Variants in FSTL5 observed in about 807,000 individuals in gnomAD.
FSTL5 encodes the protein follistatin-related protein 5.
A neutral mutation model predicts 89.1 loss-of-function variants in FSTL5; 62 were observed. The observed-to-expected ratio is 0.70, with a 90% CI of 0.57 to 0.86. The LOEUF (loss-of-function observed/expected upper bound fraction) is 0.86. FSTL5 is among the 40% of genes least tolerant of loss of function. The pLI, the probability that FSTL5 is intolerant of heterozygous loss-of-function variation, is 0.00. For synonymous variants in FSTL5, 383 were observed against 346.2 expected, an observed-to-expected ratio of 1.11 and a Z score of -1.18; for missense variants, 1,057 against 1,001.6, an observed-to-expected ratio of 1.06 and a Z score of -0.75.
Position 161,817,894 on chromosome 4 carries a change from A to C in FSTL5, c.410-41820T>G, listed in dbSNP as rs919303032. Among the ~76,000 whole-genome samples, 8 of 151,896 alleles carry C rather than the reference A, an allele frequency of 5.3e-5. No individual in the cohort carries two copies. In the East Asian group the frequency reaches 1.6e-3, roughly 30 times the overall value. On this transcript the variant is annotated intron_variant, in intron 4 of 15. Coordinates refer to ENST00000306100, the MANE Select transcript of FSTL5 (RefSeq NM_020116.5). ...GAAGAGCGTGGTCCCTTTAAATGAT[A>C]CTGGAGTTGGGAGGGAAAGGGAAGT... is the stretch of plus-strand genomic sequence containing the variant.
intron 1 of FSTL5, among the ~76,000 whole-genome samples, chr4:162,120,239 A>G (rs1336994095): frequency 6.6e-6 from 1 of 152,114 alleles, no homozygotes; most frequent in Non-Finnish European, 1.5e-5. Context: ...ATTAGGAGAA[A>G]GTATTCACTC....
chr4:161,957,641 C>T (rs1044139860), intron 3 of FSTL5, among the ~76,000 whole-genome samples: 2 of 152,014 alleles, frequency 1.3e-5, no homozygotes, highest in East Asian at 1.9e-4. Flanking sequence ...CCAGCCAGAC[C>T]GAGTCCTTTT....
chr4:162,153,339 A>T (rs1733304258), intron 1 of FSTL5, among the ~76,000 whole-genome samples: 1 of 151,916 alleles, frequency 6.6e-6, no homozygotes. Flanking sequence ...GATAACTCCA[A>T]TCTTAGGTAG....
rs149075916 is a variant in FSTL5, at chr4:161,767,611, AACCTCAGAC to A, written c.607-8089_607-8081del. On this transcript the variant is annotated intron_variant, in intron 5 of 15. Transcript: ENST00000306100. ...TACAAAGATCTAGATAACAAAGATG[AACCTCAGAC>A]ACCTGTTTATATTTTAAAGGGAAAA... Among the ~76,000 whole-genome samples the A allele has an allele frequency of 2.7e-3, 407 of 152,286 alleles. 3 individuals are homozygous for A. In the East Asian group the frequency reaches 0.029, roughly 11 times the overall value.
At chr4:162,138,959 T>A (rs1579057585) in intron 1 of FSTL5, among the ~76,000 whole-genome samples, 1 of 152,116 alleles carries the variant, frequency 6.6e-6, no homozygotes, top group East Asian at 1.9e-4. Flanking sequence ...CTTAAATAAA[T>A]GGAAACATTT....
chr4:161,656,485 T>C lies in FSTL5; in HGVS notation c.737A>G (p.Gln246Arg), dbSNP rs772790398. 1.3e-6 allele frequency: 2 copies of C among 1,588,208 alleles called. No individual in the cohort carries two copies. Among genetic ancestry groups the C allele is most frequent in the Admixed American group, 1.8e-5 (1 of 55,652 alleles). ...TTTCTGATCTTCTGGCAGACTCAACTGGATCACTTCTGTAAAGATGAAGTG... is the reference window on the plus strand; with the variant it reads ...TTTCTGATCTTCTGGCAGACTCAACCGGATCACTTCTGTAAAGATGAAGTG... ...EEFYRAFQVI[Q>R]LSLPEDQKLS... The change falls in exon 7 of 16, where the codon CAG becomes CGG. Residue 246 changes from glutamine (Q) to arginine (R), a missense_variant. Around this residue, in one of 3 missense-constraint regions of FSTL5, gnomAD observed 980 missense variants for 903.2 expected, o/e 1.08. Transcript: ENST00000306100.
At chr4:161,713,285 C>T (rs1440720898) in intron 6 of FSTL5, among the ~76,000 whole-genome samples, 1 of 152,098 alleles carries the variant, frequency 6.6e-6, no homozygotes, top group Non-Finnish European at 1.5e-5. Flanking sequence ...ATAATTTTGC[C>T]TGGAAATGTG....
intron 8 of FSTL5, among the ~76,000 whole-genome samples, chr4:161,566,087 CT>C (rs60409652): frequency 0.029 from 2,808 of 96,800 alleles, 72 homozygotes; most frequent in East Asian, 0.13. Flanking sequence ...TTGTTTTTTT[CT>C]TTTTTTTTGG....
At chr4:162,049,116 T>C (rs1738298996) in intron 2 of FSTL5, among the ~76,000 whole-genome samples, 1 of 152,156 alleles carries the variant, frequency 6.6e-6, no homozygotes, top group South Asian at 2.1e-4. Context: ...TGGGTTTCCA[T>C]GCAAGTAAAG....
chr4:161,570,225 C>T (rs545303973), intron 8 of FSTL5, among the ~76,000 whole-genome samples: 99 of 152,102 alleles, frequency 6.5e-4, no homozygotes, highest in African/African-American at 2.2e-3. Flanking sequence ...CAGGTGGGGG[C>T]ATAGTTAAAA....
chr4:162,065,796 G>C (rs1738874982), intron 2 of FSTL5, among the ~76,000 whole-genome samples: 1 of 151,870 alleles, frequency 6.6e-6, no homozygotes, highest in Non-Finnish European at 1.5e-5. Context: ...AACAGCCAAA[G>C]TATAAAAATT....
At chr4:162,063,194 A>C (rs1244680392) in intron 2 of FSTL5, among the ~76,000 whole-genome samples, 1 of 151,596 alleles carries the variant, frequency 6.6e-6, no homozygotes, top group Non-Finnish European at 1.5e-5. Flanking sequence ...ATTTCATTAG[A>C]TTTTCCCTCT....
At chr4:161,913,617 A>C (rs1050104265) in intron 4 of FSTL5, among the ~76,000 whole-genome samples, 1 of 152,204 alleles carries the variant, frequency 6.6e-6, no homozygotes, top group Admixed American at 6.5e-5. Context: ...AATGCCAGCC[A>C]TGAAAGCAGC....
In FSTL5 at chr4:161,961,630, G is replaced by T. The variant is rs139652486; in HGVS notation, c.161-40978C>A. Among the ~76,000 whole-genome samples the T allele has an allele frequency of 5.4e-3, 822 of 150,908 alleles. 5 individuals are homozygous for T. Among genetic ancestry groups the T allele is most frequent in the Non-Finnish European group, 9.3e-3 (630 of 67,716 alleles). On this transcript the variant is annotated intron_variant, in intron 3 of 15. Transcript: ENST00000306100. Reference sequence around the variant, plus strand: ...TTAAACATCACTTCATAATAAATTGGAATTCTTTAAAATTAGACATTCTCC... The same window carrying T: ...TTAAACATCACTTCATAATAAATTGTAATTCTTTAAAATTAGACATTCTCC...
At chr4:161,929,685 G>GTGTGTGTA (rs139052906) in intron 3 of FSTL5, among the ~76,000 whole-genome samples, 9 of 149,206 alleles carry the variant, frequency 6.0e-5, no homozygotes, top group African/African-American at 1.7e-4. Flanking sequence ...GTGTGTGTGT[G>GTGTGTGTA]TGTGTGTGTG....
intron 4 of FSTL5, among the ~76,000 whole-genome samples, chr4:161,804,761 G>A (rs1729906186): frequency 6.6e-6 from 1 of 152,064 alleles, no homozygotes; most frequent in Non-Finnish European, 1.5e-5. Context: ...AGAGAATGTA[G>A]GTAATTACGA....
intron 3 of FSTL5, among the ~76,000 whole-genome samples, chr4:161,956,726 A>G (rs1431154136): frequency 6.6e-6 from 1 of 152,024 alleles, no homozygotes; most frequent in Non-Finnish European, 1.5e-5. Flanking sequence ...AAAAAAGCTG[A>G]AACTCTCTAT....
intron 1 of FSTL5, among the ~76,000 whole-genome samples, chr4:162,132,642 CCT>C (rs1443624678): frequency 4.6e-5 from 7 of 152,120 alleles, no homozygotes; most frequent in African/African-American, 1.7e-4. Flanking sequence ...GACATCTATG[CCT>C]ACTGCATAGA....
At chr4:161,785,267 TA>T (rs941200469) in intron 4 of FSTL5, among the ~76,000 whole-genome samples, 84 of 152,204 alleles carry the variant, frequency 5.5e-4, no homozygotes, top group African/African-American at 2.0e-3. Context: ...GCTTTACTGT[TA>T]TTTTTTCTGC....
Sources: gnomAD v4.1 joint callset for allele counts (sites outside exome capture counted in the v4.1 genomes callset) on GRCh38, gnomAD v4.1.1 for gene constraint, gnomAD v4.1.1 regional missense constraint, MANE v1.5 for transcripts, NCBI Gene and HGNC (gene_info 2026-07-23, HGNC 2026-07-21) for gene names.